Variants in DCHS2 observed in about 807,000 individuals in gnomAD.
The protein encoded by DCHS2 is protocadherin-23.
Under a neutral mutation model 182.4 loss-of-function variants are expected in DCHS2, and 142 were observed. The ratio of observed to expected loss-of-function variants is 0.78; its 90% confidence interval spans 0.68 to 0.89. The LOEUF is 0.89. Ranked by LOEUF, DCHS2 falls within the 40% of genes least tolerant of loss-of-function variation. The pLI is 0.00. For missense variants in DCHS2, 4,319 were observed against 4,198.6 expected (o/e 1.03, Z -0.79); for synonymous variants, 1,740 against 1,663.3 (o/e 1.05, Z -1.12).
chr4:154,297,256 C>G (rs1420757593), intron 13 of DCHS2, among the ~76,000 whole-genome samples: 1 of 152,186 alleles, frequency 6.6e-6, no homozygotes, highest in East Asian at 1.9e-4. Flanking sequence ...GTTACACCTG[C>G]AACTTTTAGT....
At chr4:154,478,625 G>T (rs1043179496) in intron 1 of DCHS2, among the ~76,000 whole-genome samples, 1 of 152,160 alleles carries the variant, frequency 6.6e-6, no homozygotes, top group African/African-American at 2.4e-5. Context: ...ATAGCCATTA[G>T]AGAGAAAGAG....
At chr4:154,438,570 A>C (rs1733874966) in intron 1 of DCHS2, among the ~76,000 whole-genome samples, 1 of 152,070 alleles carries the variant, frequency 6.6e-6, no homozygotes, top group African/African-American at 2.4e-5. Context: ...ATGGGTTTTG[A>C]CTAGATTTGC....
Position 154,233,170 on chromosome 4 carries a change from CTGTT to C in DCHS2, c.*1362_*1365del, listed in dbSNP as rs1395146133. 6.6e-6 allele frequency: 1 copy of C among 152,160 alleles called. No homozygotes were observed. Among genetic ancestry groups the C allele is most frequent in the African/African-American group, 2.4e-5 (1 of 41,448 alleles). The allele number at this position is 152,160 out of a possible 1,614,324, so 9.4% of individuals were successfully genotyped here. A position where few individuals can be genotyped will look rare whatever the true frequency, so the allele number is the denominator to read the frequency against. Reference sequence around the variant, plus strand: ...TAGATTTCACATTAGAATTCCTAAACTGTTAGCCTAACACCTGGCCCTCATGCTG... The same window carrying C: ...TAGATTTCACATTAGAATTCCTAAACAGCCTAACACCTGGCCCTCATGCTG... On this transcript the variant is annotated 3_prime_UTR_variant, in exon 20 of 20. Coordinates refer to ENST00000357232, the MANE Select transcript of DCHS2 (RefSeq NM_001358235.2).
At chr4:154,433,157 C>T (rs1463258166) in intron 1 of DCHS2, among the ~76,000 whole-genome samples, 1 of 152,086 alleles carries the variant, frequency 6.6e-6, no homozygotes, top group Middle Eastern at 3.2e-3. Context: ...AGAAAAGGGA[C>T]TTCAGTTACA....
In DCHS2 at chr4:154,490,203, C is replaced by T. The variant is rs1039401627; in HGVS notation, c.1153G>A (p.Ala385Thr). ...AQAWHQLVVE[A>T]RDGGAEPEVA... ...TCAGGCTCGGCGCCTCCATCGCGGGCCTCCACCACCAACTGGTGCCAGGCC... is the reference window on the plus strand; with the variant it reads ...TCAGGCTCGGCGCCTCCATCGCGGGTCTCCACCACCAACTGGTGCCAGGCC... Residue 385 changes from alanine to threonine, a missense_variant, in exon 1 of 20, where the codon GCC (alanine) becomes ACC (threonine). Coordinates refer to ENST00000357232, the MANE Select transcript of DCHS2 (RefSeq NM_001358235.2). 2 of 1,549,336 alleles carry T rather than the reference C, an allele frequency of 1.3e-6. No individual in the cohort carries two copies. The highest frequency in any genetic ancestry group is 2.7e-5 in the African/African-American group (2 of 73,046).
At chr4:154,331,433 C>A in intron 5 of DCHS2, 4 of 760,426 alleles carry the variant, frequency 5.3e-6, no homozygotes, top group Non-Finnish European at 5.9e-6. Flanking sequence ...AAGTAAAGTG[C>A]AAGCAGGGTC....
intron 1 of DCHS2, among the ~76,000 whole-genome samples, chr4:154,429,239 G>A (rs1240597593): frequency 1.3e-5 from 2 of 152,090 alleles, no homozygotes; most frequent in African/African-American, 4.8e-5. Flanking sequence ...CTGGTGCTTC[G>A]GGATGAACAC....
intron 13 of DCHS2, among the ~76,000 whole-genome samples, chr4:154,291,102 A>G (rs540030989): frequency 6.6e-6 from 1 of 152,264 alleles, no homozygotes; most frequent in South Asian, 2.1e-4. Context: ...AGAAAATCTA[A>G]TAATCCGATT....
Position 154,304,770 on chromosome 4 carries a change from T to C in DCHS2, c.5504A>G (p.Asp1835Gly), listed in dbSNP as rs780079221. Residue 1835 changes from aspartate (D) to glycine (G), a missense_variant, in exon 12 of 20, where the codon GAC (aspartate) becomes GGC (glycine). Transcript: ENST00000357232. ...TTCCTGGTTTTCCAGAACCTCAATG[T>C]CATAACTGGAAACAATAAACTCTGG... ...HAPEFIVSSYDIEVLENQEPE... is the reference protein window; with the variant it reads ...HAPEFIVSSYGIEVLENQEPE... 1.2e-6 allele frequency: 2 copies of C among 1,614,034 alleles called. No homozygotes were observed. Among genetic ancestry groups the C allele is most frequent in the Non-Finnish European group, 1.7e-6 (2 of 1,179,974 alleles).
chr4:154,273,773 C>T (rs1733703840), intron 13 of DCHS2, among the ~76,000 whole-genome samples: 2 of 124,510 alleles, frequency 1.6e-5, no homozygotes, highest in Non-Finnish European at 3.4e-5. Context: ...TTTTACACTC[C>T]CAATCTTGCA....
Position 154,235,667 on chromosome 4 carries a change from T to C in DCHS2, c.8985A>G (p.Ser2995=), listed in dbSNP as rs1363563950. ...TPLAVFASSF[S]ISLVVSFLVF... is the part of the protein sequence containing the mutation. ...CTAAAAAGGAGACCACCAGGCTGAT[T>C]GAAAAGCTGCTGGCGAACACTGCCA... The change falls in exon 20 of 20, where the codon TCA becomes TCG. Residue 2995 remains serine, a synonymous_variant. Coordinates refer to ENST00000357232, the MANE Select transcript of DCHS2 (RefSeq NM_001358235.2). 1 of 1,613,944 alleles carries C rather than the reference T, an allele frequency of 6.2e-7. No individual in the cohort carries two copies. Among genetic ancestry groups the C allele is most frequent in the South Asian group, 1.1e-5 (1 of 91,060 alleles).
intron 14 of DCHS2, 100 bp from the exon 15 acceptor site, chr4:154,259,856 A>G: frequency 1.5e-6 from 2 of 1,313,500 alleles, no homozygotes; most frequent in East Asian, 5.2e-5. Context: ...AGAGTCTCGC[A>G]CTGTCGCCCA....
In DCHS2 at chr4:154,298,209, A is replaced by G. The variant is rs17031387; in HGVS notation, c.6105T>C (p.Asp2035=). 272,532 of 1,613,944 alleles carry G rather than the reference A, an allele frequency of 0.17. 23,798 individuals carry two copies. Among genetic ancestry groups the G allele is most frequent in the Middle Eastern group, 0.23 (1,388 of 6,062 alleles). ...KVYVTDVNDN[D]PVLEQNPFDV... The stretch of plus-strand genomic sequence containing the variant: ...CAAAAGGGTTCTGTTCCAAAACTGG[A>G]TCATTGTCATTAACATCAGTGACAT... Residue 2035 remains aspartate, a synonymous_variant, in exon 13 of 20, where the codon GAT becomes GAC. Coordinates refer to ENST00000357232, the MANE Select transcript of DCHS2 (RefSeq NM_001358235.2).
At chr4:154,375,942 G>A (rs985967748) in intron 2 of DCHS2, among the ~76,000 whole-genome samples, 35 of 151,952 alleles carry the variant, frequency 2.3e-4, no homozygotes, top group African/African-American at 3.9e-4. Context: ...AAATGATTCC[G>A]GCAAATAATT....
chr4:154,490,036 C>A lies in DCHS2; in HGVS notation c.1320G>T (p.Ser440=), dbSNP rs1377788934. ...ARPGDYVARV[S]VSDADGDWEK... ...CCCAGTCACCGTCCGCGTCAGACAC[C>A]GAGACGCGAGCCACGTAGTCGCCCG... is the stretch of plus-strand genomic sequence containing the variant. Residue 440 remains serine, a synonymous_variant, in exon 1 of 20, where the codon TCG becomes TCT. Transcript: ENST00000357232. The A allele has an allele frequency of 1.3e-6, 2 of 1,547,628 alleles. No individual in the cohort carries two copies. Among genetic ancestry groups the A allele is most frequent in the Non-Finnish European group, 1.7e-6 (2 of 1,146,962 alleles).
chr4:154,288,055 C>A (rs995518692), intron 13 of DCHS2, among the ~76,000 whole-genome samples: 2 of 152,054 alleles, frequency 1.3e-5, no homozygotes, highest in Non-Finnish European at 2.9e-5. Context: ...AACAAAATGG[C>A]AGGAGTAAAT....
intron 12 of DCHS2, among the ~76,000 whole-genome samples, chr4:154,300,510 CA>C (rs61371659): frequency 9.2e-4 from 99 of 108,146 alleles, no homozygotes; most frequent in Middle Eastern, 4.9e-3. Flanking sequence ...CTCATCTCTA[CA>C]AAAAAAAAAA....
Position 154,235,308 on chromosome 4 carries a change from T to G in DCHS2, c.9344A>C (p.Tyr3115Ser). The G allele has an allele frequency of 6.2e-7, 1 of 1,614,060 alleles. No individual in the cohort carries two copies. ...CAGAGCTGAGTCTGAGCACTTTCTGTAGGGATGCTCATTTATCCTCTGGAT... is the reference window on the plus strand; with the variant it reads ...CAGAGCTGAGTCTGAGCACTTTCTGGAGGGATGCTCATTTATCCTCTGGAT... ...KEIQRINEHP[Y>S]RKCSDSALSD... is the part of the protein sequence containing the mutation. The change falls in exon 20 of 20, where the codon TAC becomes TCC. Residue 3115 changes from tyrosine (Y) to serine (S), a missense_variant. By Grantham distance (144) the Tyr-to-Ser change is moderately radical (BLOSUM62 -2). Transcript: ENST00000357232.
chr4:154,335,960 C>A (rs766683358), intron 3 of DCHS2, among the ~76,000 whole-genome samples: 1 of 152,134 alleles, frequency 6.6e-6, no homozygotes, highest in Non-Finnish European at 1.5e-5. Flanking sequence ...TGCAGGCTAG[C>A]GCAGGGTTGT....
Sources: gnomAD v4.1 joint callset for allele counts (sites outside exome capture counted in the v4.1 genomes callset) on GRCh38, gnomAD v4.1.1 for gene constraint, MANE v1.5 for transcripts, NCBI Gene and HGNC (gene_info 2026-07-23, HGNC 2026-07-21) for gene names.